CA13: variants seen among roughly 807,000 people sequenced by gnomAD.
CA13 encodes the protein CA-XIII.
In CA13, 21 loss-of-function variants were observed where a neutral mutation model predicts 31.5. The observed-to-expected ratio is 0.67, with a 90% CI of 0.47 to 0.96. The LOEUF is 0.96. Among genes scored for constraint, CA13 ranks in the 40% least tolerant of loss-of-function variants. The probability of loss-of-function intolerance (pLI) is 0.00; values close to 1 mark genes in which losing one functional copy is unlikely to be tolerated. For missense variants in CA13, 315 were observed against 318.9 expected, an observed-to-expected ratio of 0.99 and a Z score of 0.09; for synonymous variants, 117 against 111.4, an observed-to-expected ratio of 1.05 and a Z score of -0.32.
rs371592408 is a variant in CA13 at position 85,267,934 on chromosome 8, T to C, written c.483T>C (p.Ile161=). 2.5e-6 allele frequency: 4 copies of C among 1,596,916 alleles called. No homozygotes were observed. In the African/African-American group the frequency reaches 5.4e-5, roughly 21 times the overall value. Reference sequence around the variant, plus strand: ...AACCTAATTCCCAACTGCAAAAGATTACTGACACTTTGGATTCCATTAAAG... The same window carrying C: ...AACCTAATTCCCAACTGCAAAAGATCACTGACACTTTGGATTCCATTAAAG... ...IGEPNSQLQK[I]TDTLDSIKEK... The change falls in exon 5 of 7, where the codon ATT becomes ATC. Residue 161 remains isoleucine, a synonymous_variant. Transcript: ENST00000321764.
chr8:85,247,070 C>T (rs566710647), intron 1 of CA13, among the ~76,000 whole-genome samples: 8 of 152,206 alleles, frequency 5.3e-5, no homozygotes, highest in African/African-American at 1.7e-4. Flanking sequence ...AAATTTATAA[C>T]TTTAATAATA....
chr8:85,245,959 G>A (rs568480544), intron 1 of CA13, 94 bp downstream of exon 1: 1,277 of 1,422,162 alleles, frequency 9.0e-4, no homozygotes, highest in Non-Finnish European at 1.1e-3. Flanking sequence ...CACTGGGCTC[G>A]CACATTGAGA....
At chr8:85,247,288 C>T (rs1173490819) in intron 1 of CA13, among the ~76,000 whole-genome samples, 1 of 152,044 alleles carries the variant, frequency 6.6e-6, no homozygotes, top group Non-Finnish European at 1.5e-5. Context: ...GTATTTCAAT[C>T]AATCAATCAA....
chr8:85,273,620 AC>A (rs1029552335), intron 6 of CA13, among the ~76,000 whole-genome samples: 4 of 151,658 alleles, frequency 2.6e-5, no homozygotes, highest in African/African-American at 7.3e-5. Flanking sequence ...GAAGACACAT[AC>A]CCCCTGAAGA....
rs1285867851 is a variant in CA13, at chr8:85,245,811, C to T, written c.-18C>T. On this transcript the variant is annotated 5_prime_UTR_variant, in exon 1 of 7. Coordinates refer to ENST00000321764, the MANE Select transcript of CA13 (RefSeq NM_198584.3). ...GCTGCTCAGTCACATCTTTCTCTTCCTTCCACCCCGAGGGACCATGTCGAG... is the reference window on the plus strand; with the variant it reads ...GCTGCTCAGTCACATCTTTCTCTTCTTTCCACCCCGAGGGACCATGTCGAG... 22 of 1,613,898 alleles carry T rather than the reference C, an allele frequency of 1.4e-5. No individual in the cohort carries two copies. Among genetic ancestry groups the T allele is most frequent in the Non-Finnish European group, 1.9e-5 (22 of 1,179,900 alleles).
chr8:85,245,485 A>C lies in CA13; in HGVS notation c.-344A>C. The C allele has an allele frequency of 3.3e-6, 1 of 304,328 alleles. No homozygotes were observed. The highest frequency in any genetic ancestry group is 6.1e-6 in the Non-Finnish European group (1 of 163,126). 18.9% of individuals were successfully genotyped at this position (304,328 alleles called of 1,614,324 possible). A position where few individuals can be genotyped will look rare whatever the true frequency, so the allele number is the denominator to read the frequency against. On this transcript the variant is annotated 5_prime_UTR_variant, in exon 1 of 7. Coordinates refer to ENST00000321764, the MANE Select transcript of CA13 (RefSeq NM_198584.3). The stretch of plus-strand genomic sequence containing the variant: ...TCACTTCCTGGAAGTCCTCTAGGCA[A>C]CACTTTCCTCTCCCGAGTGACGACT...
intron 6 of CA13, among the ~76,000 whole-genome samples, chr8:85,277,631 T>G (rs976064406): frequency 2.0e-5 from 3 of 152,154 alleles, no homozygotes; most frequent in Non-Finnish European, 4.4e-5. Context: ...GCAACGCTCT[T>G]GTATCACTTC....
chr8:85,265,649 A>C (rs527769335), intron 3 of CA13, among the ~76,000 whole-genome samples: 2 of 152,250 alleles, frequency 1.3e-5, no homozygotes, highest in East Asian at 3.9e-4. Flanking sequence ...AAAGTATCTA[A>C]ACATATTCAT....
At chr8:85,266,185 T>A (rs1243732957) in intron 3 of CA13, among the ~76,000 whole-genome samples, 2 of 152,186 alleles carry the variant, frequency 1.3e-5, no homozygotes, top group African/African-American at 4.8e-5. Flanking sequence ...GTTCAAGGCT[T>A]TTTTAAAAAT....
At chr8:85,266,163 G>GC (rs984896648) in intron 3 of CA13, among the ~76,000 whole-genome samples, 7 of 152,138 alleles carry the variant, frequency 4.6e-5, no homozygotes, top group African/African-American at 1.7e-4. Flanking sequence ...GGCTGAAGGG[G>GC]CTGTGAAGGA....
At position 85,245,526 on chromosome 8, in the gene CA13, G is replaced by T; in HGVS notation, c.-303G>T. The T allele has an allele frequency of 2.4e-6, 1 of 410,898 alleles. No homozygotes were observed. Among genetic ancestry groups the T allele is most frequent in the South Asian group, 2.9e-5 (1 of 34,184 alleles). 25.5% of individuals were successfully genotyped at this position (410,898 alleles called of 1,614,324 possible). On this transcript the variant is annotated 5_prime_UTR_variant, in exon 1 of 7. Transcript: ENST00000321764. ...AGTGACGACTCCTCAGAAGGCAGGA[G>T]ATCCCCCCCGGAAACCTTTCTCTCT...
Position 85,245,604 on chromosome 8 carries a change from A to G in CA13, c.-225A>G, listed in dbSNP as rs912528657. 5.2e-6 allele frequency: 3 copies of G among 572,128 alleles called. No homozygotes were observed. The highest frequency in any genetic ancestry group is 2.0e-5 in the African/African-American group (1 of 50,568). 35.4% of individuals were successfully genotyped at this position (572,128 alleles called of 1,614,324 possible). On this transcript the variant is annotated 5_prime_UTR_variant, in exon 1 of 7. Transcript: ENST00000321764. ...CATTCCCGAGTCCAAACTAAGAGAG[A>G]CTCGCGCCCCAGGAGTCAGCCAGCG...
intron 6 of CA13, among the ~76,000 whole-genome samples, chr8:85,271,778 T>C (rs1807530190): frequency 6.6e-6 from 1 of 152,164 alleles, no homozygotes; most frequent in African/African-American, 2.4e-5. Flanking sequence ...ACAATCAAGA[T>C]ATAGTTCTCA....
At position 85,245,478 on chromosome 8, in the gene CA13, C is replaced by T; in HGVS notation, c.-351C>T. 1 of 284,394 alleles carries T rather than the reference C, an allele frequency of 3.5e-6. No individual in the cohort carries two copies. Among genetic ancestry groups the T allele is most frequent in the South Asian group, 4.8e-5 (1 of 20,630 alleles). The allele number at this position is 284,394 out of a possible 1,614,324, so 17.6% of individuals were successfully genotyped here. A position where few individuals can be genotyped will look rare whatever the true frequency, so the allele number is the denominator to read the frequency against. On this transcript the variant is annotated 5_prime_UTR_variant, in exon 1 of 7. Coordinates refer to ENST00000321764, the MANE Select transcript of CA13 (RefSeq NM_198584.3). ...GACTCATTCACTTCCTGGAAGTCCT[C>T]TAGGCAACACTTTCCTCTCCCGAGT...
intron 2 of CA13, among the ~76,000 whole-genome samples, chr8:85,251,996 A>G (rs1460086245): frequency 6.6e-6 from 1 of 152,172 alleles, no homozygotes; most frequent in Non-Finnish European, 1.5e-5. Context: ...GGTGGCTCAC[A>G]TGTATAATCC....
At chr8:85,246,857 TAATA>T (rs1813741922) in intron 1 of CA13, among the ~76,000 whole-genome samples, 1 of 152,260 alleles carries the variant, frequency 6.6e-6, no homozygotes, top group South Asian at 2.1e-4. Flanking sequence ...AGTAAATACA[TAATA>T]AAGAAAAAAA....
chr8:85,250,977 G>A (rs1165795385), intron 2 of CA13, 40 bp downstream of exon 2: 1 of 1,414,210 alleles, frequency 7.1e-7, no homozygotes, highest in Admixed American at 1.7e-5. Flanking sequence ...GGTGGATGAA[G>A]GGTTTGAATG....
chr8:85,276,093 G>A (rs529431560), intron 6 of CA13, among the ~76,000 whole-genome samples: 3 of 152,290 alleles, frequency 2.0e-5, no homozygotes, highest in African/African-American at 7.2e-5. Context: ...TGGGGCTGCG[G>A]GCGGTGCTTG....
intron 6 of CA13, among the ~76,000 whole-genome samples, chr8:85,276,261 C>A (rs550764931): frequency 1.3e-5 from 2 of 152,154 alleles, no homozygotes; most frequent in African/African-American, 2.4e-5. Context: ...TTCCTCCCCC[C>A]GGGGCAGGGC....
Sources: allele counts gnomAD v4.1 joint callset (sites outside exome capture counted in the v4.1 genomes callset), GRCh38; gene constraint gnomAD v4.1.1; transcripts MANE v1.5; gene names NCBI Gene and HGNC (gene_info 2026-07-23, HGNC 2026-07-21).